LRMDA: variants seen among roughly 807,000 people sequenced by gnomAD.
LRMDA encodes leucine-rich melanocyte differentiation-associated protein.
Under a neutral mutation model 29.8 loss-of-function variants are expected in LRMDA, and 18 were observed. That is an observed-to-expected ratio of 0.60 (90% CI 0.42 to 0.90). LRMDA has a LOEUF of 0.90. Ranked by LOEUF, LRMDA falls within the 40% of genes least tolerant of loss-of-function variation. The probability of loss-of-function intolerance (pLI) is 0.00; values close to 1 mark genes in which losing one functional copy is unlikely to be tolerated. For missense variants in LRMDA, 273 were observed against 273.9 expected (o/e 1.00, Z 0.02); for synonymous variants, 125 against 109.4 (o/e 1.14, Z -0.89).
intron 2 of LRMDA, among the ~76,000 whole-genome samples, chr10:75,923,235 T>A (rs1385334645): frequency 6.6e-6 from 1 of 152,186 alleles, no homozygotes; most frequent in Non-Finnish European, 1.5e-5. Flanking sequence ...ATGGTATCCT[T>A]AATAAAATAA....
intron 2 of LRMDA, among the ~76,000 whole-genome samples, chr10:75,945,664 G>A (rs1046904782): frequency 6.6e-6 from 1 of 152,178 alleles, no homozygotes; most frequent in African/African-American, 2.4e-5. Flanking sequence ...ATTACTGGAA[G>A]TTGAACTTTA....
At chr10:75,784,671 A>C (rs981406186) in intron 2 of LRMDA, among the ~76,000 whole-genome samples, 25 of 151,480 alleles carry the variant, frequency 1.7e-4, no homozygotes, top group Admixed American at 5.9e-4. Context: ...CCACTGCACT[A>C]CAGCCTGGCG....
At chr10:76,232,662 C>T (rs1360531234) in intron 5 of LRMDA, among the ~76,000 whole-genome samples, 1 of 152,178 alleles carries the variant, frequency 6.6e-6, no homozygotes, top group African/African-American at 2.4e-5. Flanking sequence ...AGGAGACGGC[C>T]TAAGTCTGGC....
At chr10:75,634,158 A>C (rs1446433362) in intron 2 of LRMDA, among the ~76,000 whole-genome samples, 1 of 152,204 alleles carries the variant, frequency 6.6e-6, no homozygotes, top group Non-Finnish European at 1.5e-5. Flanking sequence ...CAGACTCTTT[A>C]CCTCAAATCA....
At chr10:75,607,949 A>G (rs1225489665) in intron 2 of LRMDA, among the ~76,000 whole-genome samples, 1 of 148,122 alleles carries the variant, frequency 6.8e-6, no homozygotes, top group Non-Finnish European at 1.5e-5. Context: ...TCCATTGTCC[A>G]TATCCTAGCT....
At chr10:76,543,803 C>T (rs1843386851) in intron 6 of LRMDA, among the ~76,000 whole-genome samples, 1 of 152,178 alleles carries the variant, frequency 6.6e-6, no homozygotes, top group Non-Finnish European at 1.5e-5. Context: ...TTGCCCTCTT[C>T]TTTCCTTTGT....
chr10:75,455,261 C>G (rs1365947274), intron 2 of LRMDA, among the ~76,000 whole-genome samples: 2 of 152,206 alleles, frequency 1.3e-5, no homozygotes, highest in East Asian at 3.8e-4. Context: ...GAGAACTTGA[C>G]CACTGTCCCT....
chr10:75,783,770 G>C (rs962552641), intron 2 of LRMDA, among the ~76,000 whole-genome samples: 1 of 152,176 alleles, frequency 6.6e-6, no homozygotes, highest in African/African-American at 2.4e-5. Context: ...CACATTACCT[G>C]GGACATGGTG....
In LRMDA at chr10:76,170,687, A is replaced by G. The variant is rs552749627; in HGVS notation, c.516+111904A>G. 3.9e-5 allele frequency among the ~76,000 whole-genome samples: 6 copies of G among 152,338 alleles called. No individual in the cohort carries two copies. The South Asian group carries it at 1.2e-3, about 32-fold the overall frequency. On this transcript the variant is annotated intron_variant, in intron 5 of 6. Coordinates refer to ENST00000611255, the MANE Select transcript of LRMDA (RefSeq NM_001305581.2). ...ATGTTTATCATATAAAGGAAACTAT[A>G]TCTCTAGAAATGTTATACATGTAAA...
intron 5 of LRMDA, among the ~76,000 whole-genome samples, chr10:76,136,859 G>A (rs1850104987): frequency 6.6e-6 from 1 of 152,126 alleles, no homozygotes; most frequent in African/African-American, 2.4e-5. Context: ...AATACCCCAA[G>A]GAAGCACGTC....
Position 75,556,831 on chromosome 10 carries a change from T to C in LRMDA, c.131+118337T>C, listed in dbSNP as rs1424861799. ...GATTGCAACAAATTAATAATGTATA[T>C]CGTAATACTAGAATAGTTCCTAGAA... On this transcript the variant is annotated intron_variant, in intron 2 of 6. Transcript: ENST00000611255. 2.6e-5 allele frequency among the ~76,000 whole-genome samples: 4 copies of C among 151,228 alleles called. No homozygotes were observed. In the East Asian group the frequency reaches 7.8e-4, roughly 29 times the overall value.
At position 75,886,247 on chromosome 10, in the gene LRMDA, C is replaced by T. The variant is rs146156946; in HGVS notation, c.132-149761C>T. Among the ~76,000 whole-genome samples the T allele has an allele frequency of 4.6e-3, 708 of 152,262 alleles. 10 individuals are homozygous for T. Among genetic ancestry groups the T allele is most frequent in the African/African-American group, 0.016 (679 of 41,552 alleles). On this transcript the variant is annotated intron_variant, in intron 2 of 6. Coordinates refer to ENST00000611255, the MANE Select transcript of LRMDA (RefSeq NM_001305581.2). Reference sequence around the variant, plus strand: ...AGGAAACTTTTACAGAAATTGGACACTGCATGACACCCAAGCATGTGATTG... The same window carrying T: ...AGGAAACTTTTACAGAAATTGGACATTGCATGACACCCAAGCATGTGATTG...
intron 2 of LRMDA, among the ~76,000 whole-genome samples, chr10:75,548,977 A>T (rs759110178): frequency 2.1e-4 from 32 of 152,270 alleles, no homozygotes; most frequent in South Asian, 1.0e-3. Flanking sequence ...ATAATGGTAC[A>T]GTTGGCCCTG....
chr10:76,368,325 T>C (rs1239731788), intron 6 of LRMDA, among the ~76,000 whole-genome samples: 1 of 152,202 alleles, frequency 6.6e-6, no homozygotes, highest in Non-Finnish European at 1.5e-5. Flanking sequence ...TTTGAAGCAT[T>C]TTTTTAATTT....
chr10:76,244,952 G>A lies in LRMDA; in HGVS notation c.517-79449G>A, dbSNP rs143563786. On this transcript the variant is annotated intron_variant, in intron 5 of 6. Transcript: ENST00000611255. ...GCTTCATTTCTGTCCTTGATTAGCT[G>A]TGTGACTTTGAGCCAGTCATTTAAC... is the stretch of plus-strand genomic sequence containing the variant. 1.4e-4 allele frequency among the ~76,000 whole-genome samples: 22 copies of A among 152,256 alleles called. No homozygotes were observed. In the East Asian group the frequency reaches 3.7e-3, roughly 25 times the overall value.
chr10:75,740,365 G>C (rs913080578), intron 2 of LRMDA, among the ~76,000 whole-genome samples: 1 of 152,280 alleles, frequency 6.6e-6, no homozygotes, highest in Admixed American at 6.5e-5. Flanking sequence ...GGCATCACTG[G>C]TCATCACAGG....
intron 2 of LRMDA, among the ~76,000 whole-genome samples, chr10:75,730,051 C>T (rs2132197343): frequency 6.6e-6 from 1 of 152,222 alleles, no homozygotes; most frequent in South Asian, 2.1e-4. Context: ...CCGCCTTGCT[C>T]AGCCTCTGAG....
At chr10:76,051,547 T>G (rs1417114218) in intron 4 of LRMDA, among the ~76,000 whole-genome samples, 1 of 152,246 alleles carries the variant, frequency 6.6e-6, no homozygotes. Context: ...GTGGTCTTTA[T>G]TGACTTTCTC....
chr10:75,893,571 A>G (rs900014394), intron 2 of LRMDA, among the ~76,000 whole-genome samples: 1 of 152,204 alleles, frequency 6.6e-6, no homozygotes, highest in Non-Finnish European at 1.5e-5. Context: ...ACATCTCAGA[A>G]TCACCTGGTG....
Sources: gnomAD v4.1 joint callset for allele counts (sites outside exome capture counted in the v4.1 genomes callset) on GRCh38, gnomAD v4.1.1 for gene constraint, MANE v1.5 for transcripts, NCBI Gene and HGNC (gene_info 2026-07-23, HGNC 2026-07-21) for gene names.